The following SLC39A8 variants were observed in gnomAD, a reference collection of about 807,000 sequenced individuals.
SLC39A8 encodes the protein solute carrier family 39 member 8, also known as metal cation symporter ZIP8.
Under a neutral mutation model 40.4 loss-of-function variants are expected in SLC39A8, and 15 were observed. The ratio of observed to expected loss-of-function variants is 0.37; its 90% CI spans 0.25 to 0.57. SLC39A8 has a LOEUF of 0.57. Ranked by LOEUF, SLC39A8 falls within the 20% of genes least tolerant of loss-of-function variation. SLC39A8 has a pLI of 0.75. For synonymous variants in SLC39A8, 223 were observed against 221.6 expected, an observed-to-expected ratio of 1.01 and a Z score of -0.06; for missense variants, 472 against 558.8, an observed-to-expected ratio of 0.84 and a Z score of 1.57.
At chr4:102,333,796 CAGAA>C (rs1735564379) in intron 2 of SLC39A8, among the ~76,000 whole-genome samples, 1 of 152,086 alleles carries the variant, frequency 6.6e-6, no homozygotes, top group African/African-American at 2.4e-5. Context: ...TGAAGATATA[CAGAA>C]AGAGTGTGTG....
At chr4:102,282,412 G>A (rs80026747) in intron 6 of SLC39A8, among the ~76,000 whole-genome samples, 2 of 152,152 alleles carry the variant, frequency 1.3e-5, no homozygotes, top group African/African-American at 4.8e-5. Flanking sequence ...CATAAAAAAA[G>A]TTCATTAATC....
intron 6 of SLC39A8, among the ~76,000 whole-genome samples, chr4:102,299,559 C>A (rs1237851707): frequency 1.3e-5 from 2 of 151,944 alleles, no homozygotes; most frequent in East Asian, 3.9e-4. Context: ...CTCATGGAGG[C>A]CCAACCACCT....
At chr4:102,302,013 G>C (rs1733945933) in intron 6 of SLC39A8, among the ~76,000 whole-genome samples, 2 of 151,960 alleles carry the variant, frequency 1.3e-5, no homozygotes, top group South Asian at 4.1e-4. Context: ...GTCACACTGA[G>C]TTTCTAGTAT....
At chr4:102,256,106 C>T (rs879667523) in intron 11 of SLC39A8, among the ~76,000 whole-genome samples, 6 of 152,170 alleles carry the variant, frequency 3.9e-5, no homozygotes, top group Non-Finnish European at 8.8e-5. Context: ...TTAACAAGCT[C>T]GTACATAATT....
intron 6 of SLC39A8, among the ~76,000 whole-genome samples, chr4:102,269,355 T>G (rs1236762609): frequency 6.6e-6 from 1 of 152,236 alleles, no homozygotes; most frequent in Non-Finnish European, 1.5e-5. Context: ...CACCTTTGGA[T>G]TTTTGTTTGT....
chr4:102,287,195 G>A (rs1733221142), intron 6 of SLC39A8, among the ~76,000 whole-genome samples: 1 of 152,048 alleles, frequency 6.6e-6, no homozygotes, highest in Admixed American at 6.6e-5. Flanking sequence ...AGTATTGGCT[G>A]GCAGGTCATA....
At chr4:102,275,721 C>A (rs1434723380) in intron 6 of SLC39A8, among the ~76,000 whole-genome samples, 1 of 152,078 alleles carries the variant, frequency 6.6e-6, no homozygotes, top group Non-Finnish European at 1.5e-5. Flanking sequence ...CTAAAAGAGA[C>A]CACATAATTG....
intron 6 of SLC39A8, among the ~76,000 whole-genome samples, chr4:102,277,377 C>T (rs1221052487): frequency 6.6e-6 from 1 of 152,172 alleles, no homozygotes; most frequent in African/African-American, 2.4e-5. Flanking sequence ...CATGAGCAAA[C>T]TTTCATTCAC....
intron 6 of SLC39A8, among the ~76,000 whole-genome samples, chr4:102,277,624 G>GA (rs1365249198): frequency 1.3e-5 from 2 of 152,080 alleles, no homozygotes; most frequent in South Asian, 2.1e-4. Context: ...CAAAGAATTA[G>GA]AAAAAAACTA....
At chr4:102,344,076 G>A (rs1736053395) in intron 2 of SLC39A8, among the ~76,000 whole-genome samples, 1 of 152,144 alleles carries the variant, frequency 6.6e-6, no homozygotes, top group Admixed American at 6.5e-5. Context: ...GGAAGTGTGC[G>A]AGCCGTTATC....
rs964299821 is a variant in SLC39A8 at position 102,271,158 on chromosome 4, C to T, written c.841-3079G>A. Among the ~76,000 whole-genome samples, 5 of 151,398 alleles carry T rather than the reference C, an allele frequency of 3.3e-5. 1 individual carries two copies. The highest frequency in any genetic ancestry group is 1.2e-4 in the African/African-American group (5 of 41,128). On this transcript the variant is annotated intron_variant, in intron 6 of 8. Transcript: ENST00000356736. Reference sequence around the variant, plus strand: ...AGGAGGAAAAGGAAAACAGGGAGAACAAGGAGAAGGAAACGAGCAAGCATG... The same window carrying T: ...AGGAGGAAAAGGAAAACAGGGAGAATAAGGAGAAGGAAACGAGCAAGCATG...
intron 6 of SLC39A8, among the ~76,000 whole-genome samples, chr4:102,303,334 T>G (rs563295279): frequency 6.6e-6 from 1 of 152,064 alleles, no homozygotes; most frequent in South Asian, 2.1e-4. Context: ...CACATTCCCT[T>G]GATACCATTA....
intron 6 of SLC39A8, among the ~76,000 whole-genome samples, chr4:102,282,530 T>G (rs879812414): frequency 2.6e-5 from 4 of 152,174 alleles, no homozygotes; most frequent in Non-Finnish European, 5.9e-5. Flanking sequence ...GATTAAAATC[T>G]CCTGGCAGGA....
intron 6 of SLC39A8, among the ~76,000 whole-genome samples, chr4:102,294,094 T>C (rs1472732610): frequency 6.6e-6 from 1 of 151,938 alleles, no homozygotes; most frequent in African/African-American, 2.4e-5. Flanking sequence ...ACTTAAAATT[T>C]TTGAAAGAAA....
chr4:102,330,100 A>C (rs1329836517), intron 2 of SLC39A8, among the ~76,000 whole-genome samples: 1 of 152,222 alleles, frequency 6.6e-6, no homozygotes. Flanking sequence ...ATAACATCAC[A>C]ATTAAAAGAA....
Position 102,320,431 on chromosome 4 carries a change from T to TATGAGAATATATAC in SLC39A8, c.220-4602_220-4601insGTATATATTCTCAT, listed in dbSNP as rs1560561414. ...GAGAATATATATATGAGAATATATA[T>TATGAGAATATATAC]ATATGAGAATATATATATGAGAGTA... On this transcript the variant is annotated intron_variant, in intron 2 of 8. Coordinates refer to ENST00000356736, the MANE Select transcript of SLC39A8 (RefSeq NM_001135146.2). 7.1e-4 allele frequency among the ~76,000 whole-genome samples: 77 copies of TATGAGAATATATAC among 109,106 alleles called. 7 individuals carry two copies. Among genetic ancestry groups the TATGAGAATATATAC allele is most frequent in the African/African-American group, 2.7e-3 (76 of 28,450 alleles). The allele number at this position is 109,106 out of a possible 152,430, so 71.6% of individuals were successfully genotyped here. A position where few individuals can be genotyped will look rare whatever the true frequency, so the allele number is the denominator to read the frequency against.
intron 4 of SLC39A8, 74 bp from the exon 5 acceptor site, chr4:102,305,185 G>A (rs2149033720): frequency 7.0e-7 from 1 of 1,438,660 alleles, no homozygotes; most frequent in Admixed American, 2.1e-5. Context: ...ATACCAGTAT[G>A]CAATTCTCAC....
At chr4:102,266,357 G>A (rs1306231195) in intron 8 of SLC39A8, among the ~76,000 whole-genome samples, 1 of 149,810 alleles carries the variant, frequency 6.7e-6, no homozygotes, top group East Asian at 1.9e-4. Flanking sequence ...TGTAGCATTG[G>A]TTCTAAGAGA....
intron 6 of SLC39A8, among the ~76,000 whole-genome samples, chr4:102,289,170 T>C (rs1180810646): frequency 2.6e-5 from 4 of 152,130 alleles, no homozygotes; most frequent in Non-Finnish European, 4.4e-5. Context: ...CCCTTAATAA[T>C]TGTGCTAAAT....
Sources: allele counts gnomAD v4.1 joint callset (sites outside exome capture counted in the v4.1 genomes callset), GRCh38; gene constraint gnomAD v4.1.1; transcripts MANE v1.5; gene names NCBI Gene and HGNC (gene_info 2026-07-23, HGNC 2026-07-21).